The following PCCA variants were observed in gnomAD, a reference collection of about 807,000 sequenced individuals.
PCCA encodes the protein propionyl-CoA carboxylase subunit alpha, also known as propionyl-CoA carboxylase alpha chain, mitochondrial.
In PCCA, 74 loss-of-function variants were observed where a neutral mutation model predicts 101.3. The observed-to-expected ratio is 0.73, with a 90% CI of 0.61 to 0.89. The LOEUF (loss-of-function observed/expected upper bound fraction) is 0.89, where lower values mean the gene tolerates loss of function less well. Among genes scored for constraint, PCCA ranks in the 40% least tolerant of loss-of-function variants. The pLI, the probability that PCCA is intolerant of heterozygous loss-of-function variation, is 0.00. For missense variants in PCCA, 891 were observed against 907.0 expected (o/e 0.98, Z 0.23); for synonymous variants, 294 against 313.6 (o/e 0.94, Z 0.66).
At chr13:100,528,597 G>T (rs962061187) in intron 23 of PCCA, among the ~76,000 whole-genome samples, 21 of 152,234 alleles carry the variant, frequency 1.4e-4, no homozygotes, top group African/African-American at 5.1e-4. Context: ...GGGCAGCGGG[G>T]ATGTCATGCC....
chr13:100,153,157 C>G (rs1362076952), intron 4 of PCCA, among the ~76,000 whole-genome samples: 1 of 152,216 alleles, frequency 6.6e-6, no homozygotes, highest in East Asian at 1.9e-4. Flanking sequence ...ATTAAGCAAG[C>G]TGCTATCCAA....
chr13:100,275,081 C>T (rs2063552892), intron 12 of PCCA, among the ~76,000 whole-genome samples: 1 of 151,970 alleles, frequency 6.6e-6, no homozygotes, highest in African/African-American at 2.4e-5. Context: ...TGTTGAGTCA[C>T]TGCAGGCATG....
intron 21 of PCCA, among the ~76,000 whole-genome samples, chr13:100,451,835 CCT>C (rs2081284424): frequency 1.5e-4 from 2 of 12,908 alleles, no homozygotes; most frequent in African/African-American, 2.3e-4. Context: ...CTCTTCCTCT[CCT>C]CTCTCTCCTC....
chr13:100,393,070 G>A (rs2076880945), intron 19 of PCCA, among the ~76,000 whole-genome samples: 1 of 152,158 alleles, frequency 6.6e-6, no homozygotes, highest in African/African-American at 2.4e-5. Flanking sequence ...CATCTGGATG[G>A]TGTTAGTTGT....
intron 21 of PCCA, among the ~76,000 whole-genome samples, chr13:100,505,396 A>C (rs1001909892): frequency 6.6e-6 from 1 of 152,228 alleles, no homozygotes; most frequent in African/African-American, 2.4e-5. Context: ...CCCTCGCTGC[A>C]TGCCTGGGAA....
chr13:100,436,322 C>T (rs1173194736), intron 20 of PCCA, among the ~76,000 whole-genome samples: 1 of 152,212 alleles, frequency 6.6e-6, no homozygotes, highest in Non-Finnish European at 1.5e-5. Context: ...CAAATGAAGA[C>T]TTGGCTGGCA....
At chr13:100,185,939 G>A (rs1375550002) in intron 6 of PCCA, among the ~76,000 whole-genome samples, 2 of 152,240 alleles carry the variant, frequency 1.3e-5, no homozygotes, top group Non-Finnish European at 2.9e-5. Flanking sequence ...AAGCCACTGT[G>A]CCCGGCTAAA....
At chr13:100,335,698 C>A (rs1199940061) in intron 17 of PCCA, among the ~76,000 whole-genome samples, 1 of 152,164 alleles carries the variant, frequency 6.6e-6, no homozygotes, top group South Asian at 2.1e-4. Flanking sequence ...ATCGAGGGAA[C>A]ATGGACATAA....
At chr13:100,234,051 T>G (rs2060640081) in intron 7 of PCCA, among the ~76,000 whole-genome samples, 1 of 152,252 alleles carries the variant, frequency 6.6e-6, no homozygotes, top group Non-Finnish European at 1.5e-5. Flanking sequence ...TTATTTTCTC[T>G]CATCACGTTG....
At chr13:100,103,019 T>G in intron 2 of PCCA, 59 bp downstream of exon 2, 1 of 1,093,932 alleles carries the variant, frequency 9.1e-7, no homozygotes, top group Admixed American at 1.7e-5. Flanking sequence ...TTTTACTTTC[T>G]CGTCTCCACA....
intron 7 of PCCA, among the ~76,000 whole-genome samples, chr13:100,232,361 T>C (rs1032549649): frequency 6.0e-5 from 9 of 149,640 alleles, no homozygotes; most frequent in Non-Finnish European, 7.4e-5. Context: ...CGTGTGTGTG[T>C]GTGTGTGTGT....
Position 100,530,207 on chromosome 13 carries a change from C to T in PCCA, c.*41C>T. On this transcript the variant is annotated 3_prime_UTR_variant, in exon 24 of 24. Coordinates refer to ENST00000376285, the MANE Select transcript of PCCA (RefSeq NM_000282.4). ...TCAGTCATCACCCAATTTAATTAGC[C>T]ATTTGCATGATGCTTTCACACACAA... The T allele has an allele frequency of 6.9e-7, 1 of 1,451,650 alleles. No individual in the cohort carries two copies. The highest frequency in any genetic ancestry group is 9.7e-7 in the Non-Finnish European group (1 of 1,032,280). The allele number at this position is 1,451,650 out of a possible 1,614,324, so 89.9% of individuals were successfully genotyped here. A position where few individuals can be genotyped will look rare whatever the true frequency, so the allele number is the denominator to read the frequency against.
chr13:100,230,799 G>A (rs958530578), intron 7 of PCCA, among the ~76,000 whole-genome samples: 1 of 152,152 alleles, frequency 6.6e-6, no homozygotes, highest in African/African-American at 2.4e-5. Flanking sequence ...GCTGGACAAG[G>A]GTTTCTGTCC....
intron 21 of PCCA, among the ~76,000 whole-genome samples, chr13:100,456,963 G>T (rs1017775422): frequency 1.3e-5 from 2 of 152,082 alleles, no homozygotes; most frequent in Non-Finnish European, 2.9e-5. Context: ...TTCGCGGTCT[G>T]CTAAGTAATG....
intron 7 of PCCA, among the ~76,000 whole-genome samples, chr13:100,223,965 C>G (rs2059977317): frequency 6.6e-6 from 1 of 152,270 alleles, no homozygotes. Context: ...CCTCACCAGA[C>G]TCAGGAGCCC....
At position 100,311,458 on chromosome 13, in the gene PCCA, A is replaced by G. The variant is rs1176711458; in HGVS notation, c.1429+1550A>G. 3.3e-5 allele frequency among the ~76,000 whole-genome samples: 5 copies of G among 152,004 alleles called. No homozygotes were observed. In the East Asian group the frequency reaches 9.7e-4, roughly 29 times the overall value. ...TCATCCTTTCTTCCTCTTTCCTCAC[A>G]CTTAATAAAACCATATATTTAAGAA... On this transcript the variant is annotated intron_variant, in intron 16 of 23. Transcript: ENST00000376285.
At chr13:100,285,772 C>T (rs1302543701) in intron 12 of PCCA, among the ~76,000 whole-genome samples, 1 of 152,136 alleles carries the variant, frequency 6.6e-6, no homozygotes, top group Non-Finnish European at 1.5e-5. Context: ...CTTATGCTGC[C>T]CGAGATGATC....
intron 6 of PCCA, among the ~76,000 whole-genome samples, chr13:100,199,194 AC>A (rs973663839): frequency 6.6e-6 from 1 of 151,488 alleles, no homozygotes; most frequent in African/African-American, 2.5e-5. Context: ...GCAGATGTTT[AC>A]CCTGAATCCT....
At position 100,425,693 on chromosome 13, in the gene PCCA, T is replaced by A; in HGVS notation, c.1807T>A (p.Leu603Met). ...CACGTGGAACCTGGCTTCGCCCTTA[T>A]TGTCTGTCAGCGTTGATGGCACTCA... ...TSTWNLASPL[L>M]SVSVDGTQRT... The change falls in exon 20 of 24, where the codon TTG becomes ATG. Residue 603 changes from leucine to methionine, a missense_variant. Physicochemically the swap from Leu to Met is conservative, Grantham distance 15. Coordinates refer to ENST00000376285, the MANE Select transcript of PCCA (RefSeq NM_000282.4). 6.2e-7 allele frequency: 1 copy of A among 1,614,140 alleles called. No homozygotes were observed. Among genetic ancestry groups the A allele is most frequent in the Non-Finnish European group, 8.5e-7 (1 of 1,179,942 alleles).
Sources: allele counts gnomAD v4.1 joint callset (sites outside exome capture counted in the v4.1 genomes callset), GRCh38; gene constraint gnomAD v4.1.1; transcripts MANE v1.5; gene names NCBI Gene and HGNC (gene_info 2026-07-23, HGNC 2026-07-21).